Variants in ADGB observed in about 807,000 individuals in gnomAD.
ADGB encodes androglobin.
In ADGB, 172 loss-of-function variants were observed where a neutral mutation model predicts 210.5. The ratio of observed to expected loss-of-function variants is 0.82; its 90% CI spans 0.72 to 0.93. The LOEUF (loss-of-function observed/expected upper bound fraction) is 0.93. ADGB is among the 40% of genes least tolerant of loss of function. The pLI, the probability that ADGB is intolerant of heterozygous loss-of-function variation, is 0.00. For missense variants in ADGB, 2,025 were observed against 1,964.8 expected, an observed-to-expected ratio of 1.03 and a Z score of -0.58; for synonymous variants, 658 against 662.7, an observed-to-expected ratio of 0.99 and a Z score of 0.11.
chr6:146,649,046 C>T (rs1467182686), intron 3 of ADGB, among the ~76,000 whole-genome samples: 1 of 151,746 alleles, frequency 6.6e-6, no homozygotes, highest in East Asian at 1.9e-4. Flanking sequence ...AAAAAGTCTT[C>T]CTACAAGCAT....
intron 7 of ADGB, among the ~76,000 whole-genome samples, chr6:146,671,365 C>T (rs918827410): frequency 6.6e-5 from 10 of 152,160 alleles, no homozygotes; most frequent in Non-Finnish European, 1.5e-4. Context: ...AGGGGATCCA[C>T]TGCACTGAGA....
chr6:146,599,091 G>C lies in ADGB; in HGVS notation c.51G>C (p.Ala17=), dbSNP rs1369059037. 3.2e-6 allele frequency: 5 copies of C among 1,551,720 alleles called. No homozygotes were observed. In the East Asian group the frequency reaches 1.2e-4, roughly 38 times the overall value. The change falls in exon 1 of 36, where the codon GCG becomes GCC. Residue 17 remains alanine, a synonymous_variant. Transcript: ENST00000397944. ...KKKEVHRINS[A]HGSDKSKDFY... ...AAGAGGTGCATCGTATCAACTCGGC[G>C]CACGGATCGGATAAATCGAAAGAGT...
At position 146,717,009 on chromosome 6, in the gene ADGB, C is replaced by T. The variant is rs867839745; in HGVS notation, c.1868C>T (p.Thr623Ile). 1 of 1,551,514 alleles carries T rather than the reference C, an allele frequency of 6.4e-7. No individual in the cohort carries two copies. Among genetic ancestry groups the T allele is most frequent in the East Asian group, 2.4e-5 (1 of 40,884 alleles). Residue 623 changes from threonine (T) to isoleucine (I), a missense_variant, in exon 15 of 36, where the codon ACA becomes ATA. Physicochemically the swap from Thr to Ile is moderately conservative, Grantham distance 89. Transcript: ENST00000397944. ...QEKSQEELPT[T>I]NNSVSKEIWL... The stretch of plus-strand genomic sequence containing the variant: ...AAGTCACAGGAAGAACTTCCAACAA[C>T]AAATAATAGTGTTTCTAAAGAAATA...
intron 21 of ADGB, 103 bp downstream of exon 21, chr6:146,733,358 G>GAGTT: frequency 8.4e-7 from 1 of 1,197,298 alleles, no homozygotes; most frequent in Non-Finnish European, 1.1e-6. Flanking sequence ...AGTCTGTGTG[G>GAGTT]ACTGTCATGG....
At chr6:146,786,121 T>C (rs1445304079) in intron 32 of ADGB, among the ~76,000 whole-genome samples, 1 of 146,848 alleles carries the variant, frequency 6.8e-6, no homozygotes, top group African/African-American at 2.5e-5. Flanking sequence ...GTATATAATA[T>C]ATATTTTAAG....
At chr6:146,744,929 CA>C (rs1777207847) in intron 25 of ADGB, among the ~76,000 whole-genome samples, 1 of 152,084 alleles carries the variant, frequency 6.6e-6, no homozygotes. Flanking sequence ...ACAATGAACT[CA>C]AATAATAATA....
rs940766208 is a variant in ADGB, at chr6:146,735,707, A to G, written c.2795-791A>G. Among the ~76,000 whole-genome samples, 8 of 152,322 alleles carry G rather than the reference A, an allele frequency of 5.3e-5. No individual in the cohort carries two copies. In the East Asian group the frequency reaches 1.5e-3, roughly 29 times the overall value. ...TTTACTTCCCTTTTTAGAGACTGAA[A>G]ATATGGGCAATTTAGTAATGTACTT... On this transcript the variant is annotated intron_variant, in intron 22 of 35. Transcript: ENST00000397944.
At chr6:146,621,445 G>T (rs1467252480) in intron 1 of ADGB, among the ~76,000 whole-genome samples, 1 of 152,094 alleles carries the variant, frequency 6.6e-6, no homozygotes, top group Non-Finnish European at 1.5e-5. Context: ...TTCCCATGAA[G>T]ATTCCAAAAG....
chr6:146,773,904 A>G (rs1777688470), intron 29 of ADGB, among the ~76,000 whole-genome samples: 1 of 152,172 alleles, frequency 6.6e-6, no homozygotes. Flanking sequence ...CTTATGAGGT[A>G]GGTGTTATTA....
chr6:146,668,512 T>G (rs1314708143), intron 7 of ADGB, among the ~76,000 whole-genome samples: 1 of 152,140 alleles, frequency 6.6e-6, no homozygotes, highest in Non-Finnish European at 1.5e-5. Context: ...TATATCTTCT[T>G]TTGGAAACTT....
chr6:146,654,475 T>A (rs957659175), intron 4 of ADGB, among the ~76,000 whole-genome samples: 7 of 152,052 alleles, frequency 4.6e-5, no homozygotes, highest in African/African-American at 1.7e-4. Flanking sequence ...CACCTCAGAT[T>A]CCTGGTAGCT....
At chr6:146,666,495 A>G (rs1312688758) in intron 6 of ADGB, among the ~76,000 whole-genome samples, 1 of 152,034 alleles carries the variant, frequency 6.6e-6, no homozygotes, top group African/African-American at 2.4e-5. Flanking sequence ...AAAGAAGTAT[A>G]CAAAAATGGA....
chr6:146,691,109 C>T lies in ADGB; in HGVS notation c.1312-7C>T, dbSNP rs751878263. The T allele has an allele frequency of 3.5e-5, 53 of 1,515,096 alleles. No individual in the cohort carries two copies. Among genetic ancestry groups the T allele is most frequent in the Middle Eastern group, 1.8e-4 (1 of 5,466 alleles). 93.9% of individuals were successfully genotyped at this position (1,515,096 alleles called of 1,614,324 possible). On this transcript the variant is annotated splice_region_variant and splice_polypyrimidine_tract_variant and intron_variant, in intron 10 of 35. Transcript: ENST00000397944. ...GAATGCTTTTCAATTTACTTTCCATCTTCTAGGCAGATTCTGCTGAGAAAC... is the reference window on the plus strand; with the variant it reads ...GAATGCTTTTCAATTTACTTTCCATTTTCTAGGCAGATTCTGCTGAGAAAC...
intron 35 of ADGB, among the ~76,000 whole-genome samples, chr6:146,810,401 C>A (rs259378): frequency 0.61 from 91,677 of 151,286 alleles, 28,091 homozygotes; most frequent in East Asian, 0.77. Context: ...GAAAGTTTCT[C>A]AAAAAATTAA....
At chr6:146,686,617 T>C (rs1776237559) in intron 10 of ADGB, among the ~76,000 whole-genome samples, 1 of 152,156 alleles carries the variant, frequency 6.6e-6, no homozygotes, top group Non-Finnish European at 1.5e-5. Flanking sequence ...TTTTAAGCTA[T>C]CTATTGTTCT....
rs145194956 is a variant in ADGB, at chr6:146,788,124, A to G, written c.4316-265A>G. On this transcript the variant is annotated intron_variant, in intron 32 of 35. Transcript: ENST00000397944. ...GCATCCCCAATAATTCAAATATCCT[A>G]TTTCCATGTATGCTGTCCCAACTTC... Among the ~76,000 whole-genome samples the G allele has an allele frequency of 4.0e-3, 612 of 152,166 alleles. 6 individuals carry two copies. Among genetic ancestry groups the G allele is most frequent in the African/African-American group, 0.014 (589 of 41,518 alleles).
intron 1 of ADGB, among the ~76,000 whole-genome samples, chr6:146,614,209 C>A (rs575422201): frequency 2.0e-3 from 83 of 42,480 alleles, no homozygotes; most frequent in African/African-American, 3.8e-3. Flanking sequence ...CCCTTCCTCC[C>A]TTCCTTCCTC....
In ADGB at chr6:146,626,670, A is replaced by AT. The variant is rs1301911955; in HGVS notation, c.75-8699dup. Among the ~76,000 whole-genome samples, 17 of 150,680 alleles carry AT rather than the reference A, an allele frequency of 1.1e-4. No homozygotes were observed. The South Asian group carries it at 3.6e-3, about 32-fold the overall frequency. ...CTTTTTTCCTCTGCATATAATGTTT[A>AT]TTTTTTCCTTTAACTGCTTTTAAAA... On this transcript the variant is annotated intron_variant, in intron 1 of 35. Transcript: ENST00000397944.
At chr6:146,772,815 T>A (rs536865150) in intron 29 of ADGB, among the ~76,000 whole-genome samples, 1 of 151,950 alleles carries the variant, frequency 6.6e-6, no homozygotes, top group South Asian at 2.1e-4. Flanking sequence ...CACCTTGAAA[T>A]GTGTGGAGGA....
Sources: gnomAD v4.1 joint callset for allele counts (sites outside exome capture counted in the v4.1 genomes callset) on GRCh38, gnomAD v4.1.1 for gene constraint, MANE v1.5 for transcripts, NCBI Gene and HGNC (gene_info 2026-07-23, HGNC 2026-07-21) for gene names.